Variants in MYO18B observed in about 807,000 individuals in gnomAD.
The protein encoded by MYO18B is myosin XVIIIB.
A neutral mutation model predicts 273.0 loss-of-function variants in MYO18B; 204 were observed. The ratio of observed to expected loss-of-function variants is 0.75; its 90% CI spans 0.67 to 0.84. The LOEUF (loss-of-function observed/expected upper bound fraction) is 0.84. Ranked by LOEUF, MYO18B falls within the 40% of genes least tolerant of loss-of-function variation. MYO18B has a pLI of 0.00. For synonymous variants in MYO18B, 1,330 were observed against 1,305.7 expected, an observed-to-expected ratio of 1.02 and a Z score of -0.40; for missense variants, 3,212 against 3,287.6, an observed-to-expected ratio of 0.98 and a Z score of 0.56.
At chr22:25,743,883 C>T (rs912069239) in intron 1 of MYO18B, among the ~76,000 whole-genome samples, 1 of 152,290 alleles carries the variant, frequency 6.6e-6, no homozygotes, top group Non-Finnish European at 1.5e-5. Context: ...CGGTCGTTGA[C>T]GACCTACCCA....
chr22:25,762,350 A>C (rs998106807), intron 2 of MYO18B, among the ~76,000 whole-genome samples: 1 of 152,248 alleles, frequency 6.6e-6, no homozygotes, highest in Non-Finnish European at 1.5e-5. Context: ...CCATACATGC[A>C]CAGAGGTTCT....
At chr22:26,046,417 G>C in the MYO18B span, among the ~76,000 whole-genome samples, 1 of 152,184 alleles carries the variant, frequency 6.6e-6, no homozygotes, top group Non-Finnish European at 1.5e-5. Context: ...AGATGTGAAA[G>C]CCTCAGAAAT....
intron 42 of MYO18B, among the ~76,000 whole-genome samples, chr22:26,014,113 C>T (rs766726020): frequency 3.4e-4 from 52 of 151,954 alleles, no homozygotes; most frequent in Non-Finnish European, 4.9e-4. Context: ...TTTTTGTAGA[C>T]ATTGTATTGA....
At chr22:25,964,879 G>C (rs1267575409) in intron 39 of MYO18B, 1 of 152,240 alleles carries the variant, frequency 6.6e-6, no homozygotes, top group East Asian at 1.9e-4. Flanking sequence ...AGAAAGTCAA[G>C]AATGGAAAGA....
Position 25,785,505 on chromosome 22 carries a change from C to A in MYO18B, c.2376+14C>A. 6.2e-7 allele frequency: 1 copy of A among 1,610,436 alleles called. No individual in the cohort carries two copies. Among genetic ancestry groups the A allele is most frequent in the South Asian group, 1.1e-5 (1 of 90,036 alleles). On this transcript the variant is annotated intron_variant, in intron 11 of 43. Coordinates refer to ENST00000335473, the MANE Select transcript of MYO18B (RefSeq NM_032608.7). ...GTGTGGTCCAAGGTAAGGAGGAGGT[C>A]CCTCACGGGTGGGATGTGAGTCTGT...
At chr22:25,807,243 A>G in intron 12 of MYO18B, among the ~76,000 whole-genome samples, 1 of 152,210 alleles carries the variant, frequency 6.6e-6, no homozygotes. Flanking sequence ...TGCTCTTTAC[A>G]CAGCTTAGCA....
chr22:25,756,594 A>G (rs1024205848), intron 1 of MYO18B: 1 of 152,276 alleles, frequency 6.6e-6, no homozygotes, highest in Non-Finnish European at 1.5e-5. Context: ...AGATGTTCAC[A>G]ATGGACTCTC....
At chr22:25,798,499 C>T (rs996671491) in intron 12 of MYO18B, among the ~76,000 whole-genome samples, 14 of 152,118 alleles carry the variant, frequency 9.2e-5, no homozygotes, top group Non-Finnish European at 2.1e-4. Flanking sequence ...TACAGTAGGG[C>T]AGCTCTAGAA....
At chr22:25,745,503 G>GCA (rs138294668) in intron 1 of MYO18B, among the ~76,000 whole-genome samples, 5 of 116,988 alleles carry the variant, frequency 4.3e-5, no homozygotes, top group African/African-American at 8.7e-5. Context: ...ACACACACAC[G>GCA]CACACACATC....
intron 21 of MYO18B, among the ~76,000 whole-genome samples, chr22:25,859,494 C>G (rs1248928856): frequency 6.6e-6 from 1 of 152,200 alleles, no homozygotes; most frequent in African/African-American, 2.4e-5. Flanking sequence ...TTCATCCTCA[C>G]TGGCAATGTG....
intron 1 of MYO18B, among the ~76,000 whole-genome samples, chr22:25,749,050 G>A (rs2085862466): frequency 6.6e-6 from 1 of 152,128 alleles, no homozygotes; most frequent in South Asian, 2.1e-4. Flanking sequence ...AACAATCAGA[G>A]CACCCTTCTT....
At chr22:26,010,467 T>C (rs534705939) in intron 42 of MYO18B, among the ~76,000 whole-genome samples, 1 of 151,528 alleles carries the variant, frequency 6.6e-6, no homozygotes, top group African/African-American at 2.4e-5. Context: ...TGTTTTCTAA[T>C]ACAACCTCTC....
intron 21 of MYO18B, among the ~76,000 whole-genome samples, chr22:25,858,756 A>G (rs1309751227): frequency 1.3e-5 from 2 of 152,218 alleles, no homozygotes; most frequent in Non-Finnish European, 2.9e-5. Context: ...GCCAAGAGCC[A>G]TGTTTGCTGA....
chr22:25,866,945 A>G (rs771317323), intron 21 of MYO18B, among the ~76,000 whole-genome samples: 11 of 152,152 alleles, frequency 7.2e-5, no homozygotes, highest in Non-Finnish European at 1.3e-4. Context: ...AAGAGCAATG[A>G]GAGAAGCATA....
intron 33 of MYO18B, 41 bp downstream of exon 33, chr22:25,911,091 A>C (rs1302010297): frequency 1.1e-3 from 1,592 of 1,413,296 alleles, no homozygotes; most frequent in Non-Finnish European, 1.4e-3. Flanking sequence ...GGAGTATCTC[A>C]GGGACCTATT....
Position 25,846,365 on chromosome 22 carries a change from A to T in MYO18B, c.3552+82A>T, listed in dbSNP as rs111330755. On this transcript the variant is annotated intron_variant, in intron 19 of 43. Coordinates refer to ENST00000335473, the MANE Select transcript of MYO18B (RefSeq NM_032608.7). ...CCTCTGGGCTGAGTCATGTGCCTAC[A>T]TCATCTCTAACCTCCCCAGCAAGGC... The T allele has an allele frequency of 6.1e-6, 9 of 1,487,510 alleles. No homozygotes were observed. The African/African-American group carries it at 8.4e-5, about 14-fold the overall frequency. 92.1% of individuals were successfully genotyped at this position (1,487,510 alleles called of 1,614,324 possible).
chr22:25,771,791 C>G, intron 6 of MYO18B, among the ~76,000 whole-genome samples: 1 of 152,208 alleles, frequency 6.6e-6, no homozygotes, highest in East Asian at 1.9e-4. Context: ...CCTCTTAGAA[C>G]AGATGTTTTA....
At chr22:26,029,933 G>A (rs1236700296) in intron 43 of MYO18B, among the ~76,000 whole-genome samples, 2 of 152,136 alleles carry the variant, frequency 1.3e-5, no homozygotes, top group Non-Finnish European at 2.9e-5. Flanking sequence ...TGGAATTTTT[G>A]GACCTTTGGG....
intron 42 of MYO18B, among the ~76,000 whole-genome samples, chr22:26,006,795 C>T (rs1327832062): frequency 2.0e-5 from 3 of 152,158 alleles, no homozygotes; most frequent in South Asian, 2.1e-4. Context: ...TTACTCAGAG[C>T]CTGGCACCTA....
Sources: gnomAD v4.1 joint callset for allele counts (sites outside exome capture counted in the v4.1 genomes callset) on GRCh38, gnomAD v4.1.1 for gene constraint, MANE v1.5 for transcripts, NCBI Gene and HGNC (gene_info 2026-07-23, HGNC 2026-07-21) for gene names.